Variants in ARHGDIB observed in about 807,000 individuals in gnomAD.
ARHGDIB encodes the protein rho GDP-dissociation inhibitor 2.
A neutral mutation model predicts 22.6 loss-of-function variants in ARHGDIB; 20 were observed. That is an observed-to-expected ratio of 0.88 (90% CI 0.62 to 1.28). The LOEUF (loss-of-function observed/expected upper bound fraction) is 1.28, where lower values mean the gene tolerates loss of function less well. Among genes scored for constraint, ARHGDIB ranks in the 50% most tolerant of loss-of-function variants. ARHGDIB has a pLI of 0.00. For synonymous variants in ARHGDIB, 114 were observed against 96.1 expected, an observed-to-expected ratio of 1.19 and a Z score of -1.09; for missense variants, 254 against 245.4, an observed-to-expected ratio of 1.04 and a Z score of -0.23.
chr12:14,950,505 C>G, intron 2 of ARHGDIB, 27 bp downstream of exon 2: 1 of 1,577,322 alleles, frequency 6.3e-7, no homozygotes, highest in Non-Finnish European at 8.6e-7. Context: ...CGATCTTCCA[C>G]CCACCCTGTT....
chr12:14,943,923 T>C (rs1162680657), intron 5 of ARHGDIB, among the ~76,000 whole-genome samples: 3 of 152,258 alleles, frequency 2.0e-5, no homozygotes, highest in African/African-American at 7.2e-5. Flanking sequence ...AACTTTTTTT[T>C]CATGAGACTA....
intron 5 of ARHGDIB, 141 bp from the exon 6 acceptor site, chr12:14,942,862 C>A: frequency 2.8e-6 from 2 of 722,172 alleles, no homozygotes; most frequent in Non-Finnish European, 4.4e-6. Context: ...ATTAGATTTA[C>A]CTGAGGCATC....
chr12:14,947,238 T>C (rs1404273960), intron 4 of ARHGDIB, among the ~76,000 whole-genome samples: 1 of 152,230 alleles, frequency 6.6e-6, no homozygotes, highest in East Asian at 1.9e-4. Flanking sequence ...TTTTGGCTGC[T>C]CATTGGGATA....
At chr12:14,951,549 T>A (rs1864176360) in intron 1 of ARHGDIB, among the ~76,000 whole-genome samples, 1 of 152,056 alleles carries the variant, frequency 6.6e-6, no homozygotes, top group Non-Finnish European at 1.5e-5. Flanking sequence ...TTAGCATTTG[T>A]CCATCCATTT....
Position 14,950,632 on chromosome 12 carries a change from T to A in ARHGDIB, c.81A>T (p.Pro27=), listed in dbSNP as rs190562188. ...GCAGCTCTTTCAGGGACTTCTGTGG[T>A]GGAGGCTTATAATTGAGCTTGCTGT... The part of the protein sequence containing the change: ...ELDSKLNYKP[P]PQKSLKELQE... Residue 27 remains proline (P), a synonymous_variant, in exon 2 of 6, where the codon CCA becomes CCT. Transcript: ENST00000228945. The A allele has an allele frequency of 5.6e-6, 9 of 1,614,098 alleles. 1 individual carries two copies. The Admixed American group carries it at 1.5e-4, about 27-fold the overall frequency.
At chr12:14,944,381 G>T (rs797020465) in intron 5 of ARHGDIB, among the ~76,000 whole-genome samples, 2 of 151,716 alleles carry the variant, frequency 1.3e-5, no homozygotes, top group African/African-American at 4.8e-5. Context: ...GATACACATG[G>T]CACTGGGCAA....
At chr12:14,944,044 C>A (rs1863948310) in intron 5 of ARHGDIB, among the ~76,000 whole-genome samples, 3 of 151,850 alleles carry the variant, frequency 2.0e-5, no homozygotes, top group Admixed American at 1.3e-4. Flanking sequence ...TCTCCCCTAT[C>A]TTGCTTATTA....
At chr12:14,943,380 T>TTG (rs1218584578) in intron 5 of ARHGDIB, among the ~76,000 whole-genome samples, 5 of 49,106 alleles carry the variant, frequency 1.0e-4, no homozygotes, top group Non-Finnish European at 2.1e-4. Flanking sequence ...TAAGCCTGTT[T>TTG]TTTTTTTTTT....
At chr12:14,959,754 G>T (rs138404439) in intron 1 of ARHGDIB, among the ~76,000 whole-genome samples, 52 of 152,284 alleles carry the variant, frequency 3.4e-4, no homozygotes, top group African/African-American at 1.2e-3. Context: ...CCAAAGCAAG[G>T]AAGGACCAAA....
intron 4 of ARHGDIB, among the ~76,000 whole-genome samples, chr12:14,945,842 G>A (rs1254991407): frequency 6.6e-6 from 1 of 152,108 alleles, no homozygotes; most frequent in African/African-American, 2.4e-5. Flanking sequence ...CCTATGAAAA[G>A]CTGTCAGAAA....
At chr12:14,943,377 GTTTT>G (rs10713403) in intron 5 of ARHGDIB, among the ~76,000 whole-genome samples, 22 of 143,908 alleles carry the variant, frequency 1.5e-4, no homozygotes, top group African/African-American at 3.6e-4. Context: ...GATTAAGCCT[GTTTT>G]TTTTTTTTTT....
rs1419528454 is a variant in ARHGDIB at position 14,950,133 on chromosome 12, A to G, written c.182-248T>C. On this transcript the variant is annotated intron_variant, in intron 2 of 5. Transcript: ENST00000228945. ...GACATCCAACATTTCCTGAATGGCT[A>G]TGGGTCAGGTACTCTGCTAATTGGG... Among the ~76,000 whole-genome samples the G allele has an allele frequency of 3.3e-5, 5 of 152,112 alleles. No homozygotes were observed. The East Asian group carries it at 9.6e-4, about 29-fold the overall frequency.
At chr12:14,959,267 A>C (rs1435791691) in intron 1 of ARHGDIB, among the ~76,000 whole-genome samples, 1 of 152,162 alleles carries the variant, frequency 6.6e-6, no homozygotes, top group Non-Finnish European at 1.5e-5. Flanking sequence ...AAAAATGGTA[A>C]AATTAGCCAG....
At chr12:14,949,344 G>C (rs1864110706) in intron 3 of ARHGDIB, among the ~76,000 whole-genome samples, 1 of 152,164 alleles carries the variant, frequency 6.6e-6, no homozygotes, top group African/African-American at 2.4e-5. Flanking sequence ...AGAGTTTCAA[G>C]CTAAAACAAT....
intron 5 of ARHGDIB, 140 bp from the exon 6 acceptor site, chr12:14,942,861 A>C: frequency 5.5e-6 from 4 of 721,784 alleles, no homozygotes; most frequent in Admixed American, 3.0e-5. Flanking sequence ...CATTAGATTT[A>C]CCTGAGGCAT....
intron 1 of ARHGDIB, among the ~76,000 whole-genome samples, chr12:14,953,675 C>T (rs140833140): frequency 1.3e-5 from 2 of 151,996 alleles, no homozygotes; most frequent in African/African-American, 4.8e-5. Flanking sequence ...TGCATATGAT[C>T]CAGGGGTTTG....
intron 1 of ARHGDIB, among the ~76,000 whole-genome samples, chr12:14,951,649 C>T (rs573775762): frequency 6.7e-6 from 1 of 149,998 alleles, no homozygotes; most frequent in South Asian, 2.1e-4. Context: ...CTGGGCATAC[C>T]CTGGAGTCTT....
intron 5 of ARHGDIB, 105 bp from the exon 6 acceptor site, chr12:14,942,826 G>T: frequency 1.0e-6 from 1 of 986,032 alleles, no homozygotes; most frequent in Non-Finnish European, 1.5e-6. Flanking sequence ...AAAGTCAAGA[G>T]CAATGGTTTC....
At chr12:14,953,731 C>T (rs1864233962) in intron 1 of ARHGDIB, among the ~76,000 whole-genome samples, 1 of 152,024 alleles carries the variant, frequency 6.6e-6, no homozygotes, top group Non-Finnish European at 1.5e-5. Context: ...TCAAGATCTC[C>T]AGATTAGGAA....
Sources: allele counts gnomAD v4.1 joint callset (sites outside exome capture counted in the v4.1 genomes callset), GRCh38; gene constraint gnomAD v4.1.1; transcripts MANE v1.5; gene names NCBI Gene and HGNC (gene_info 2026-07-23, HGNC 2026-07-21).